TRDN: variants seen among roughly 807,000 people sequenced by gnomAD.
The protein encoded by TRDN is triadin in skeletal muscle.
Under a neutral mutation model 149.7 loss-of-function variants are expected in TRDN, and 161 were observed. The ratio of observed to expected loss-of-function variants is 1.08; its 90% confidence interval spans 0.95 to 1.23. The LOEUF (loss-of-function observed/expected upper bound fraction) is 1.23. TRDN is among the 50% of genes most tolerant of loss of function. The pLI is 0.00. For synonymous variants in TRDN, 294 were observed against 250.5 expected (o/e 1.17, Z -1.64); for missense variants, 896 against 823.5 (o/e 1.09, Z -1.08).
intron 4 of TRDN, among the ~76,000 whole-genome samples, chr6:123,539,342 G>C (rs1048320649): frequency 8.5e-5 from 13 of 152,148 alleles, no homozygotes; most frequent in African/African-American, 3.1e-4. Context: ...TGCTAACATT[G>C]CTGGTCCATG....
chr6:123,241,578 T>C (rs1775991130), intron 38 of TRDN, among the ~76,000 whole-genome samples: 1 of 151,756 alleles, frequency 6.6e-6, no homozygotes, highest in South Asian at 2.1e-4. Flanking sequence ...TAGATCAGAA[T>C]ATTAAAAGTT....
At position 123,499,719 on chromosome 6, in the gene TRDN, A is replaced by AAAAAAAAAT; in HGVS notation, c.794-2468_794-2467insATTTTTTTT. Among the ~76,000 whole-genome samples, 54 of 47,668 alleles carry AAAAAAAAAT rather than the reference A, an allele frequency of 1.1e-3. 2 individuals are homozygous for AAAAAAAAAT. The highest frequency in any genetic ancestry group is 3.7e-3 in the East Asian group (7 of 1,912). The allele number at this position is 47,668 out of a possible 152,430, so 31.3% of individuals were successfully genotyped here. Reference sequence around the variant, plus strand: ...ATTCTGGCTCAAAAAAAAAAAAAAAAATATATATATATATATATATATATA... The same window carrying AAAAAAAAAT: ...ATTCTGGCTCAAAAAAAAAAAAAAAAAAAAAAAATATATATATATATATATATATATATA... On this transcript the variant is annotated intron_variant, in intron 8 of 40. Coordinates refer to ENST00000334268, the MANE Select transcript of TRDN (RefSeq NM_006073.4).
intron 24 of TRDN, among the ~76,000 whole-genome samples, chr6:123,307,945 A>T (rs1241381847): frequency 6.6e-6 from 1 of 151,996 alleles, no homozygotes; most frequent in Non-Finnish European, 1.5e-5. Flanking sequence ...TGGGGTACAA[A>T]TGATCCCATC....
At chr6:123,262,957 A>G (rs1776823009) in intron 33 of TRDN, among the ~76,000 whole-genome samples, 1 of 94,704 alleles carries the variant, frequency 1.1e-5, no homozygotes, top group Non-Finnish European at 2.5e-5. Context: ...ACCAGTTAGT[A>G]ACCTAAAATG....
Position 123,255,112 on chromosome 6 carries a change from T to C in TRDN, c.1920A>G (p.Lys640=). The change falls in exon 37 of 41, where the codon AAA becomes AAG. Residue 640 remains lysine, a synonymous_variant. Transcript: ENST00000334268. ...TCACATTGTGTAATTGAAGACTTTC[T>C]TTTCTTGTTGAGACTGTTAATAAGG... ...HLREEKVSTR[K]ESLQLHNVTK... is the part of the protein sequence containing the mutation. 1 of 1,367,722 alleles carries C rather than the reference T, an allele frequency of 7.3e-7. No homozygotes were observed. Among genetic ancestry groups the C allele is most frequent in the African/African-American group, 1.4e-5 (1 of 69,316 alleles). 84.7% of individuals were successfully genotyped at this position (1,367,722 alleles called of 1,614,324 possible).
intron 9 of TRDN, among the ~76,000 whole-genome samples, chr6:123,475,339 T>C (rs1412216845): frequency 9.7e-4 from 139 of 143,040 alleles, no homozygotes; most frequent in African/African-American, 3.0e-3. Flanking sequence ...ACACATACAC[T>C]CTCCCAAGAC....
intron 10 of TRDN, chr6:123,456,932 C>G: frequency 9.0e-6 from 4 of 442,736 alleles, no homozygotes; most frequent in Non-Finnish European, 1.8e-5. Context: ...CAGACCAGAT[C>G]GCAAACAAAT....
At chr6:123,254,346 T>A (rs1434932183) in intron 37 of TRDN, among the ~76,000 whole-genome samples, 1 of 152,064 alleles carries the variant, frequency 6.6e-6, no homozygotes, top group East Asian at 1.9e-4. Flanking sequence ...TCTAGTCATT[T>A]CAGGGATACA....
chr6:123,383,617 A>G (rs544311932), intron 14 of TRDN, among the ~76,000 whole-genome samples: 2 of 152,256 alleles, frequency 1.3e-5, no homozygotes, highest in African/African-American at 4.8e-5. Flanking sequence ...TGTTTTGCTA[A>G]TTATGCCACA....
chr6:123,373,067 C>A (rs1246349591), intron 19 of TRDN, among the ~76,000 whole-genome samples: 1 of 152,122 alleles, frequency 6.6e-6, no homozygotes, highest in Non-Finnish European at 1.5e-5. Context: ...TAGCATCGCA[C>A]CAGTAATCTG....
At chr6:123,463,357 T>TAATA (rs374409398) in intron 10 of TRDN, among the ~76,000 whole-genome samples, 2,283 of 146,196 alleles carry the variant, frequency 0.016, 31 homozygotes, top group African/African-American at 0.039. Flanking sequence ...AAAAAATAAA[T>TAATA]AATAAATAAA....
At chr6:123,437,343 G>C in intron 12 of TRDN, 2 of 269,516 alleles carry the variant, frequency 7.4e-6, no homozygotes, top group Non-Finnish European at 1.4e-5. Flanking sequence ...TGGAAAACTT[G>C]TCACTGTAAA....
At chr6:123,522,446 A>G (rs937467596) in intron 5 of TRDN, among the ~76,000 whole-genome samples, 34 of 150,810 alleles carry the variant, frequency 2.3e-4, no homozygotes, top group African/African-American at 8.3e-4. Context: ...ATGGGGGGGG[A>G]AAGCCAGAGG....
chr6:123,400,173 A>ATATATATG (rs1202801456), intron 12 of TRDN, among the ~76,000 whole-genome samples: 1 of 146,598 alleles, frequency 6.8e-6, no homozygotes, highest in Non-Finnish European at 1.5e-5. Flanking sequence ...ATGTGTATAT[A>ATATATATG]TATATATATA....
At position 123,636,780 on chromosome 6, in the gene TRDN, G is replaced by A; in HGVS notation, c.-5C>T. ...TTCAGCAGTGATCTCAGTCATGGTG[G>A]TCGTCAAAAGTAAAAGTCAGTTGAA... On this transcript the variant is annotated 5_prime_UTR_variant, in exon 1 of 41. Coordinates refer to ENST00000334268, the MANE Select transcript of TRDN (RefSeq NM_006073.4). 6.2e-7 allele frequency: 1 copy of A among 1,611,608 alleles called. No individual in the cohort carries two copies. The highest frequency in any genetic ancestry group is 8.5e-7 in the Non-Finnish European group (1 of 1,178,398).
At chr6:123,540,907 T>A (rs991001923) in intron 4 of TRDN, among the ~76,000 whole-genome samples, 1 of 152,194 alleles carries the variant, frequency 6.6e-6, no homozygotes, top group African/African-American at 2.4e-5. Context: ...TGGTAAGCTT[T>A]CTGTTATGCT....
intron 12 of TRDN, among the ~76,000 whole-genome samples, chr6:123,415,265 T>G (rs1773603254): frequency 6.6e-6 from 1 of 152,248 alleles, no homozygotes; most frequent in African/African-American, 2.4e-5. Flanking sequence ...GACCTTTAGC[T>G]TATCAAATGC....
At chr6:123,266,138 T>G (rs1055832896) in intron 32 of TRDN, among the ~76,000 whole-genome samples, 8 of 115,624 alleles carry the variant, frequency 6.9e-5, no homozygotes, top group African/African-American at 2.6e-4. Context: ...TATTATAATA[T>G]GTATTATATA....
chr6:123,472,524 C>A (rs906553053), intron 9 of TRDN, among the ~76,000 whole-genome samples: 1 of 152,218 alleles, frequency 6.6e-6, no homozygotes, highest in Non-Finnish European at 1.5e-5. Context: ...CGCCATTGCC[C>A]AGGCTTTCTT....
Sources: gnomAD v4.1 joint callset for allele counts (sites outside exome capture counted in the v4.1 genomes callset) on GRCh38, gnomAD v4.1.1 for gene constraint, MANE v1.5 for transcripts, NCBI Gene and HGNC (gene_info 2026-07-23, HGNC 2026-07-21) for gene names.